Variants in ITIH6 observed in about 807,000 individuals in gnomAD.
The protein encoded by ITIH6 is inter-alpha-trypsin inhibitor heavy chain H6.
ITIH6 carries 60 observed loss-of-function variants against 58.2 expected under a neutral mutation model. The observed-to-expected ratio is 1.03, with a 90% confidence interval of 0.84 to 1.28. The LOEUF (loss-of-function observed/expected upper bound fraction) is 1.28. Among genes scored for constraint, ITIH6 ranks in the 50% most tolerant of loss-of-function variants. The pLI, the probability that ITIH6 is intolerant of heterozygous loss-of-function variation, is 0.00. For missense variants in ITIH6, 1,290 were observed against 1,021.1 expected, an observed-to-expected ratio of 1.26 and a Z score of -3.59; for synonymous variants, 493 against 417.4, an observed-to-expected ratio of 1.18 and a Z score of -2.21.
At chrX:54,796,532 A>G (rs1929444005) in intron 2 of ITIH6, among the ~76,000 whole-genome samples, 1 of 108,793 alleles carries the variant, frequency 9.2e-6, no homozygotes, top group Non-Finnish European at 1.9e-5. Context: ...AAAGTACAAA[A>G]AATTAGCCGG....
At position 54,790,988 on chromosome X, in the gene ITIH6, G is replaced by A. The variant is rs758352971; in HGVS notation, c.465C>T (p.His155=). 1.3e-5 allele frequency: 16 copies of A among 1,212,229 alleles called. No homozygotes were observed. In the East Asian group the frequency reaches 3.8e-4, roughly 29 times the overall value. The change falls in exon 4 of 13, where the codon CAC becomes CAT. Residue 155 remains histidine, a synonymous_variant. Transcript: ENST00000218436. Reference sequence around the variant, plus strand: ...TCACCACCAGCTGGTACTGGCCCTGGTGCCGCTGAAGCAGTTCCTCATAGG... The same window carrying A: ...TCACCACCAGCTGGTACTGGCCCTGATGCCGCTGAAGCAGTTCCTCATAGG... The part of the protein sequence containing the change: ...SLAYEELLQR[H]QGQYQLVVSL...
Position 54,751,185 on chromosome X carries a change from T to G in ITIH6, c.3548A>C (p.Lys1183Thr). ...RLSWDQPALL[K>T]RPQLELYVAA... The stretch of plus-strand genomic sequence containing the variant: ...CACATAGAGCTCCAGCTGGGGCCTC[T>G]TCAGCAGGGCAGGTTGGTCCCAGGA... The change falls in exon 12 of 13, where the codon AAG (lysine) becomes ACG (threonine). Residue 1183 changes from lysine (K) to threonine (T), a missense_variant. Lys to Thr is a moderately conservative substitution (Grantham distance 78). Coordinates refer to ENST00000218436, the MANE Select transcript of ITIH6 (RefSeq NM_198510.3). The G allele has an allele frequency of 8.3e-7, 1 of 1,211,738 alleles. No individual in the cohort carries two copies. Among genetic ancestry groups the G allele is most frequent in the Non-Finnish European group, 1.1e-6 (1 of 895,341 alleles).
chrX:54,779,778 TG>T (rs1929117308), intron 5 of ITIH6, among the ~76,000 whole-genome samples: 1 of 110,689 alleles, frequency 9.0e-6, no homozygotes, highest in Admixed American at 9.6e-5. Flanking sequence ...TAAGACCCAC[TG>T]ATCTGTTGCC....
At chrX:54,773,689 T>C (rs186524500) in intron 6 of ITIH6, among the ~76,000 whole-genome samples, 30 of 108,852 alleles carry the variant, frequency 2.8e-4, no homozygotes, top group Non-Finnish European at 5.3e-4. Context: ...ATTAGGCCTT[T>C]AAAGTAAAAA....
rs1227962843 is a variant in ITIH6 at position 54,749,150 on chromosome X, T to C, written c.*745A>G. The C allele has an allele frequency of 8.9e-6, 1 of 111,819 alleles. No homozygotes were observed. Among genetic ancestry groups the C allele is most frequent in the Non-Finnish European group, 1.9e-5 (1 of 53,266 alleles). The allele number at this position is 111,819 out of a possible 1,213,427, so 9.2% of individuals were successfully genotyped here. A position where few individuals can be genotyped will look rare whatever the true frequency, so the allele number is the denominator to read the frequency against. On this transcript the variant is annotated 3_prime_UTR_variant, in exon 13 of 13. Transcript: ENST00000218436. ...GTGTGTCTATTGCTATGTTATGGGA[T>C]CCTTTTTTGTTAATTAATTAATTCA...
chrX:54,782,330 C>A (rs902397691), intron 5 of ITIH6, among the ~76,000 whole-genome samples: 1 of 111,460 alleles, frequency 9.0e-6, no homozygotes, highest in Non-Finnish European at 1.9e-5. Flanking sequence ...GCAGGAGAAT[C>A]GCTTGAACGC....
In ITIH6 at chrX:54,797,030, A is replaced by T; in HGVS notation, c.169T>A (p.Ser57Thr). Residue 57 changes from serine to threonine, a missense_variant, in exon 2 of 13, where the codon TCT becomes ACT. Transcript: ENST00000218436. ...VSRYAHTLVT[S>T]VLFNPHAEAH... is the part of the protein sequence containing the mutation. ...TCAGCATGTGGATTAAACAGGACAG[A>T]GGTGACCAAGGTGTGGGCATAGCGA... The T allele has an allele frequency of 8.3e-7, 1 of 1,209,669 alleles. No individual in the cohort carries two copies. Among genetic ancestry groups the T allele is most frequent in the Non-Finnish European group, 1.1e-6 (1 of 893,682 alleles).
At position 54,791,991 on chromosome X, in the gene ITIH6, G is replaced by A. The variant is rs773446963; in HGVS notation, c.303C>T (p.His101=). ...KVYIAEVKEK[H]QAKKIYEEAH... Reference sequence around the variant, plus strand: ...CTTCTTCATAGATTTTCTTTGCCTGGTGCTTCTCTTTGACTTCTGCAATGT... The same window carrying A: ...CTTCTTCATAGATTTTCTTTGCCTGATGCTTCTCTTTGACTTCTGCAATGT... The change falls in exon 3 of 13, where the codon CAC becomes CAT. Residue 101 remains histidine, a synonymous_variant. Transcript: ENST00000218436. 1 of 1,207,926 alleles carries A rather than the reference G, an allele frequency of 8.3e-7. No homozygotes were observed. The highest frequency in any genetic ancestry group is 1.7e-5 in the African/African-American group (1 of 57,162).
Position 54,753,673 on chromosome X carries a change from C to A in ITIH6, c.3330G>T (p.Gln1110His), listed in dbSNP as rs748946753. Residue 1110 changes from glutamine to histidine, a missense_variant, in exon 11 of 13, where the codon CAG (glutamine) becomes CAT (histidine). Coordinates refer to ENST00000218436, the MANE Select transcript of ITIH6 (RefSeq NM_198510.3). Reference protein sequence around the residue: ...TLNGHPGDLLQLIEDPKAGLH... With the variant: ...TLNGHPGDLLHLIEDPKAGLH... ...TACCTGCCTTTGGGTCCTCTATGAG[C>A]TGCAGCAAGTCCCCAGGGTGCCCAT... 1.7e-6 allele frequency: 2 copies of A among 1,209,801 alleles called. No individual in the cohort carries two copies. The highest frequency in any genetic ancestry group is 2.2e-6 in the Non-Finnish European group (2 of 893,918).
At chrX:54,796,691 A>G (rs1569544402) in intron 2 of ITIH6, among the ~76,000 whole-genome samples, 1 of 110,236 alleles carries the variant, frequency 9.1e-6, no homozygotes, top group Non-Finnish European at 1.9e-5. Context: ...GTCAAAAAAA[A>G]AAAAAAGAAA....
chrX:54,760,381 T>C (rs1928609101), intron 6 of ITIH6, among the ~76,000 whole-genome samples: 1 of 111,248 alleles, frequency 9.0e-6, no homozygotes. Flanking sequence ...ATTTGCTATA[T>C]GGTTCCTGGG....
At chrX:54,780,658 A>T (rs1929131155) in intron 5 of ITIH6, among the ~76,000 whole-genome samples, 1 of 111,742 alleles carries the variant, frequency 8.9e-6, no homozygotes, top group South Asian at 3.7e-4. Flanking sequence ...GAAACAACTA[A>T]TAAAGATTAG....
intron 10 of ITIH6, 63 bp downstream of exon 10, chrX:54,753,867 C>T (rs1399519511): frequency 8.8e-7 from 1 of 1,138,949 alleles, no homozygotes; most frequent in Non-Finnish European, 1.2e-6. Context: ...TTCCCCAGCC[C>T]CAGTCCCAGT....
At chrX:54,786,804 G>A (rs911540699) in intron 5 of ITIH6, among the ~76,000 whole-genome samples, 32 of 111,619 alleles carry the variant, frequency 2.9e-4, no homozygotes, top group South Asian at 1.1e-3. Flanking sequence ...CTCACTCAGA[G>A]ACGATAAGTA....
Position 54,757,870 on chromosome X carries a change from G to C in ITIH6, c.2204C>G (p.Thr735Ser). The change falls in exon 8 of 13, where the codon ACT (threonine) becomes AGT (serine). Residue 735 changes from threonine to serine, a missense_variant. Physicochemically the swap from Thr to Ser is moderately conservative, Grantham distance 58. Coordinates refer to ENST00000218436, the MANE Select transcript of ITIH6 (RefSeq NM_198510.3). ...PTILVPSNSG[T>S]LLPLKPGSLS... The stretch of plus-strand genomic sequence containing the variant: ...AGAGCCGGGCTTCAGAGGCAACAGA[G>C]TACCAGAATTTGAGGGCACAAGAAT... 8.3e-7 allele frequency: 1 copy of C among 1,211,656 alleles called. No individual in the cohort carries two copies. Among genetic ancestry groups the C allele is most frequent in the East Asian group, 3.0e-5 (1 of 33,835 alleles).
chrX:54,797,003 C>T lies in ITIH6; in HGVS notation c.196G>A (p.Ala66Thr), dbSNP rs1189050430. The T allele has an allele frequency of 5.0e-6, 6 of 1,209,324 alleles. No individual in the cohort carries two copies. In the African/African-American group the frequency reaches 7.0e-5, roughly 14 times the overall value. The change falls in exon 2 of 13, where the codon GCC becomes ACC. Residue 66 changes from alanine to threonine, a missense_variant. Coordinates refer to ENST00000218436, the MANE Select transcript of ITIH6 (RefSeq NM_198510.3). ...TCCAGGTCAAAGATGGCTTCATGGG[C>T]TTCAGCATGTGGATTAAACAGGACA... is the stretch of plus-strand genomic sequence containing the variant. ...TSVLFNPHAE[A>T]HEAIFDLDLP... is the part of the protein sequence containing the mutation.
intron 5 of ITIH6, among the ~76,000 whole-genome samples, chrX:54,776,125 G>A (rs1038758517): frequency 5.4e-5 from 6 of 110,637 alleles, no homozygotes; most frequent in Non-Finnish European, 9.5e-5. Flanking sequence ...TGTGTTGGGG[G>A]AGGGAGAGTG....
rs563215397 is a variant in ITIH6 at position 54,756,028 on chromosome X, G to A, written c.3110-919C>T. Reference sequence around the variant, plus strand: ...AGGTGAGACACAATGGTGGTCTGCTGTAGCACAGTGACACTTGGGGTGGTG... The same window carrying A: ...AGGTGAGACACAATGGTGGTCTGCTATAGCACAGTGACACTTGGGGTGGTG... On this transcript the variant is annotated intron_variant, in intron 8 of 12. Coordinates refer to ENST00000218436, the MANE Select transcript of ITIH6 (RefSeq NM_198510.3). Among the ~76,000 whole-genome samples, 85 of 111,556 alleles carry A rather than the reference G, an allele frequency of 7.6e-4. No homozygotes were observed. In the South Asian group the frequency reaches 0.031, roughly 41 times the overall value.
In ITIH6 at chrX:54,785,615, C is replaced by G. The variant is rs137971226; in HGVS notation, c.786+2865G>C. ...CACAGTTGAACATGGATGACTTCTG[C>G]TGTCTTCAAAAGTCGTTTCCCCTGC... On this transcript the variant is annotated intron_variant, in intron 5 of 12. Transcript: ENST00000218436. Among the ~76,000 whole-genome samples, 41 of 112,091 alleles carry G rather than the reference C, an allele frequency of 3.7e-4. No homozygotes were observed. In the East Asian group the frequency reaches 8.2e-3, roughly 22 times the overall value.
Sources: allele counts gnomAD v4.1 joint callset (sites outside exome capture counted in the v4.1 genomes callset), GRCh38; gene constraint gnomAD v4.1.1; transcripts MANE v1.5; gene names NCBI Gene and HGNC (gene_info 2026-07-23, HGNC 2026-07-21).